UMPS: variants seen among roughly 807,000 people sequenced by gnomAD.
UMPS encodes the protein uridine monophosphate synthetase.
Under a neutral mutation model 38.9 loss-of-function variants are expected in UMPS, and 21 were observed. That is an observed-to-expected ratio of 0.54 (90% CI 0.38 to 0.78). The LOEUF (loss-of-function observed/expected upper bound fraction) is 0.78. Among genes scored for constraint, UMPS ranks in the 30% least tolerant of loss-of-function variants. UMPS has a pLI of 0.00. For missense variants in UMPS, 533 were observed against 591.6 expected (o/e 0.90, Z 1.03); for synonymous variants, 208 against 219.3 (o/e 0.95, Z 0.45).
rs141640285 is a variant in UMPS at position 124,737,782 on chromosome 3, A to G, written c.525A>G (p.Thr175=). The G allele has an allele frequency of 6.5e-5, 105 of 1,614,090 alleles. No homozygotes were observed. The highest frequency in any genetic ancestry group is 1.3e-4 in the African/African-American group (10 of 74,938). Reference sequence around the variant, plus strand: ...GGATCCGCCTCCACTCAGTGTGTACATTGTCCAAAATGCTGGAGATTCTCG... The same window carrying G: ...GGATCCGCCTCCACTCAGTGTGTACGTTGTCCAAAATGCTGGAGATTCTCG... ...AHGIRLHSVC[T]LSKMLEILEQ... is the part of the protein sequence containing the mutation. The change falls in exon 3 of 6, where the codon ACA becomes ACG. Residue 175 remains threonine, a synonymous_variant. Transcript: ENST00000232607.
chr3:124,742,339 A>G, intron 5 of UMPS, 73 bp downstream of exon 5: 3 of 1,088,060 alleles, frequency 2.8e-6, no homozygotes, highest in Admixed American at 1.7e-5. Context: ...AAAACTTTGC[A>G]TATTATTATA....
At position 124,748,570 on chromosome 3, in the gene UMPS, G is replaced by A. The variant is rs591886; in HGVS notation, c.*4486G>A. On this transcript the variant is annotated 3_prime_UTR_variant, in exon 6 of 6. Coordinates refer to ENST00000232607, the MANE Select transcript of UMPS (RefSeq NM_000373.4). ...TCTTCCTCTAGACAAGAGGCAGAGG[G>A]CTCCTCAGAGTCAGATCCTGGTGTG... The A allele has an allele frequency of 0.011, 4,842 of 454,112 alleles. 180 individuals carry two copies. The highest frequency in any genetic ancestry group is 0.088 in the African/African-American group (4,389 of 50,122). The allele number at this position is 454,112 out of a possible 1,614,324, so 28.1% of individuals were successfully genotyped here. A position where few individuals can be genotyped will look rare whatever the true frequency, so the allele number is the denominator to read the frequency against.
Position 124,737,583 on chromosome 3 carries a change from T to A in UMPS, c.326T>A (p.Val109Glu). 1 of 1,614,236 alleles carries A rather than the reference T, an allele frequency of 6.2e-7. No individual in the cohort carries two copies. The highest frequency in any genetic ancestry group is 8.5e-7 in the Non-Finnish European group (1 of 1,180,048). ...ETKDYGTKRL[V>E]EGTINPGETC... ...TCTTTTCTAGGAACTAAGCGTCTTG[T>A]AGAAGGAACTATTAATCCAGGAGAA... Residue 109 changes from valine to glutamate, a missense_variant, in exon 3 of 6, where the codon GTA (valine) becomes GAA (glutamate). Physicochemically the swap from Val to Glu is moderately radical, Grantham distance 121. Coordinates refer to ENST00000232607, the MANE Select transcript of UMPS (RefSeq NM_000373.4).
chr3:124,743,062 G>C (rs542479124), intron 5 of UMPS, among the ~76,000 whole-genome samples: 1 of 152,094 alleles, frequency 6.6e-6, no homozygotes, highest in Non-Finnish European at 1.5e-5. Flanking sequence ...GGCTGGGTGC[G>C]GGGGCTCACG....
rs747557341 is a variant in UMPS at position 124,748,827 on chromosome 3, CATT to C, written c.*4746_*4748del. The C allele has an allele frequency of 7.4e-5, 30 of 406,444 alleles. 1 individual carries two copies. Among genetic ancestry groups the C allele is most frequent in the East Asian group, 6.4e-4 (9 of 14,086 alleles). The allele number at this position is 406,444 out of a possible 1,614,324, so 25.2% of individuals were successfully genotyped here. A position where few individuals can be genotyped will look rare whatever the true frequency, so the allele number is the denominator to read the frequency against. Reference sequence around the variant, plus strand: ...TGAGCTTCCTGTGGCTCCAGAGTAACATTATAGAGAAGCTGAATTCTCCTGTTT... The same window carrying C: ...TGAGCTTCCTGTGGCTCCAGAGTAACATAGAGAAGCTGAATTCTCCTGTTT... On this transcript the variant is annotated 3_prime_UTR_variant, in exon 6 of 6. Transcript: ENST00000232607.
At chr3:124,731,678 C>G (rs954344793) in intron 1 of UMPS, 1 of 223,342 alleles carries the variant, frequency 4.5e-6, no homozygotes, top group Non-Finnish European at 9.4e-6. Context: ...GGGTGGATCA[C>G]TTAAGGTCTG....
chr3:124,743,498 C>T (rs1367391448), intron 5 of UMPS, among the ~76,000 whole-genome samples: 4 of 151,288 alleles, frequency 2.6e-5, no homozygotes, highest in East Asian at 2.0e-4. Context: ...ATTAGCCAGG[C>T]GTGGTGGCAG....
In UMPS at chr3:124,744,552, G is replaced by C; in HGVS notation, c.*468G>C. On this transcript the variant is annotated 3_prime_UTR_variant, in exon 6 of 6. Transcript: ENST00000232607. Reference sequence around the variant, plus strand: ...GCTTCCAGATTAGCTGGTGCTATAGGCATGCACCACCACGTCCATCTAAAT... The same window carrying C: ...GCTTCCAGATTAGCTGGTGCTATAGCCATGCACCACCACGTCCATCTAAAT... 1 of 453,978 alleles carries C rather than the reference G, an allele frequency of 2.2e-6. No individual in the cohort carries two copies. Among genetic ancestry groups the C allele is most frequent in the South Asian group, 1.6e-5 (1 of 64,452 alleles). 28.1% of individuals were successfully genotyped at this position (453,978 alleles called of 1,614,324 possible).
chr3:124,742,087 A>G, intron 4 of UMPS, 65 bp from the exon 5 acceptor site: 2 of 1,180,828 alleles, frequency 1.7e-6, no homozygotes, highest in South Asian at 1.4e-5. Flanking sequence ...AATAGAGCAT[A>G]TTTTTACTTT....
At chr3:124,733,134 A>C (rs937685255) in intron 1 of UMPS, among the ~76,000 whole-genome samples, 1 of 152,192 alleles carries the variant, frequency 6.6e-6, no homozygotes, top group African/African-American at 2.4e-5. Context: ...CTAAACTCTA[A>C]CTTCCCTTAA....
At position 124,747,545 on chromosome 3, in the gene UMPS, G is replaced by A. The variant is rs1233123038; in HGVS notation, c.*3461G>A. ...AGCCCATGGCTTCTGAAGAGCAAGA[G>A]AAAGTAGAGCAGAGCCTACTCCAGC... On this transcript the variant is annotated 3_prime_UTR_variant, in exon 6 of 6. Coordinates refer to ENST00000232607, the MANE Select transcript of UMPS (RefSeq NM_000373.4). 6.6e-6 allele frequency: 3 copies of A among 453,950 alleles called. No homozygotes were observed. The highest frequency in any genetic ancestry group is 1.3e-5 in the Non-Finnish European group (3 of 226,752). 28.1% of individuals were successfully genotyped at this position (453,950 alleles called of 1,614,324 possible). A position where few individuals can be genotyped will look rare whatever the true frequency, so the allele number is the denominator to read the frequency against.
rs1470241347 is a variant in UMPS at position 124,737,789 on chromosome 3, A to G, written c.532A>G (p.Lys178Glu). ...IRLHSVCTLS[K>E]MLEILEQQKK... ...CCTCCACTCAGTGTGTACATTGTCCAAAATGCTGGAGATTCTCGAGCAGCA... is the reference window on the plus strand; with the variant it reads ...CCTCCACTCAGTGTGTACATTGTCCGAAATGCTGGAGATTCTCGAGCAGCA... The change falls in exon 3 of 6, where the codon AAA (lysine) becomes GAA (glutamate). Residue 178 changes from lysine to glutamate, a missense_variant. Lys to Glu is a moderately conservative substitution (Grantham distance 56). Transcript: ENST00000232607. The G allele has an allele frequency of 6.2e-7, 1 of 1,614,224 alleles. No individual in the cohort carries two copies. Among genetic ancestry groups the G allele is most frequent in the Non-Finnish European group, 8.5e-7 (1 of 1,180,030 alleles).
Position 124,746,387 on chromosome 3 carries a change from C to T in UMPS, c.*2303C>T. On this transcript the variant is annotated 3_prime_UTR_variant, in exon 6 of 6. Coordinates refer to ENST00000232607, the MANE Select transcript of UMPS (RefSeq NM_000373.4). The stretch of plus-strand genomic sequence containing the variant: ...AATGGGTGCCTCAAGTGATCTGTTT[C>T]TGATTTGTATTTCTATTGTGAAGAG... 1 of 454,102 alleles carries T rather than the reference C, an allele frequency of 2.2e-6. No individual in the cohort carries two copies. Among genetic ancestry groups the T allele is most frequent in the Non-Finnish European group, 4.4e-6 (1 of 226,788 alleles). 28.1% of individuals were successfully genotyped at this position (454,102 alleles called of 1,614,324 possible).
At chr3:124,732,967 G>GGTTGTGTGT (rs2063490760) in intron 1 of UMPS, among the ~76,000 whole-genome samples, 1 of 147,624 alleles carries the variant, frequency 6.8e-6, no homozygotes, top group Non-Finnish European at 1.5e-5. Flanking sequence ...ACTAGATCAT[G>GGTTGTGTGT]GTGTGTGTGT....
At chr3:124,739,602 G>A (rs901852561) in intron 3 of UMPS, among the ~76,000 whole-genome samples, 11 of 152,158 alleles carry the variant, frequency 7.2e-5, no homozygotes, top group African/African-American at 2.4e-4. Context: ...CCAAAGTACT[G>A]GGATTACAAG....
At chr3:124,742,604 G>C (rs2063564470) in intron 5 of UMPS, 1 of 239,744 alleles carries the variant, frequency 4.2e-6, no homozygotes, top group Middle Eastern at 1.5e-3. Context: ...ATAATTGTTT[G>C]ACTAGATATT....
intron 5 of UMPS, among the ~76,000 whole-genome samples, chr3:124,742,979 T>C (rs145845172): frequency 1.3e-5 from 2 of 152,104 alleles, no homozygotes; most frequent in East Asian, 3.9e-4. Context: ...ATTGAGGGGG[T>C]GAATATTTAG....
Position 124,747,367 on chromosome 3 carries a change from AGCT to A in UMPS, c.*3287_*3289del, listed in dbSNP as rs1436097691. On this transcript the variant is annotated 3_prime_UTR_variant, in exon 6 of 6. Coordinates refer to ENST00000232607, the MANE Select transcript of UMPS (RefSeq NM_000373.4). ...AGCAGAGGGTGCTGGCCGCTGAGCT[AGCT>A]GCTAATGCTGGCCTGGGTGCAGTTC... 4 of 454,782 alleles carry A rather than the reference AGCT, an allele frequency of 8.8e-6. No homozygotes were observed. The highest frequency in any genetic ancestry group is 1.8e-5 in the Non-Finnish European group (4 of 226,694). The allele number at this position is 454,782 out of a possible 1,614,324, so 28.2% of individuals were successfully genotyped here.
intron 5 of UMPS, 24 bp downstream of exon 5, chr3:124,742,290 C>T (rs1024809459): frequency 3.8e-6 from 6 of 1,568,966 alleles, no homozygotes; most frequent in East Asian, 2.2e-5. Context: ...CTGGTCGTGG[C>T]TCTTCCAAAA....
Sources: gnomAD v4.1 joint callset for allele counts (sites outside exome capture counted in the v4.1 genomes callset) on GRCh38, gnomAD v4.1.1 for gene constraint, MANE v1.5 for transcripts, NCBI Gene and HGNC (gene_info 2026-07-23, HGNC 2026-07-21) for gene names.